H2BC18: variants seen among roughly 807,000 people sequenced by gnomAD.
The protein encoded by H2BC18 is histone H2B type 2-F.
In H2BC18, 8 loss-of-function variants were observed where a neutral mutation model predicts 6.3. The observed-to-expected ratio is 1.28, with a 90% CI of 0.75 to 2.31. The LOEUF (loss-of-function observed/expected upper bound fraction) is 2.31, where lower values mean the gene tolerates loss of function less well. Ranked by LOEUF, H2BC18 falls within the 30% of genes most tolerant of loss-of-function variation. The probability of loss-of-function intolerance (pLI) is 0.00; values close to 1 mark genes in which losing one functional copy is unlikely to be tolerated. For synonymous variants in H2BC18, 104 were observed against 78.1 expected, an observed-to-expected ratio of 1.33 and a Z score of -1.75; for missense variants, 106 against 174.5, an observed-to-expected ratio of 0.61 and a Z score of 2.21.
chr1:149,806,888 G>A (rs1318635752), downstream of H2BC18, among the ~76,000 whole-genome samples: 1 of 152,084 alleles, frequency 6.6e-6, no homozygotes, highest in Non-Finnish European at 1.5e-5. Flanking sequence ...TAAGAGAGAG[G>A]GTCAGAGAAG....
chr1:149,807,753 G>A (rs1318653219), downstream of H2BC18, among the ~76,000 whole-genome samples: 9 of 152,028 alleles, frequency 5.9e-5, no homozygotes, highest in East Asian at 1.9e-4. Flanking sequence ...GCAGTGAGCC[G>A]AGATTGTGCC....
chr1:149,784,176 A>G, intron 1 of H2BC18: 2 of 1,611,622 alleles, frequency 1.2e-6, no homozygotes, highest in Admixed American at 1.7e-5. Flanking sequence ...CACCTCTGCC[A>G]GTGTCAATGA....
intron 1 of H2BC18, chr1:149,784,008 A>G: frequency 6.2e-7 from 1 of 1,605,646 alleles, no homozygotes; most frequent in Non-Finnish European, 8.5e-7. Flanking sequence ...AGTAGACACC[A>G]CAAAGGCAGT....
chr1:149,812,339 G>C lies in H2BC18; in HGVS notation c.-16C>G, dbSNP rs2101510104. ...GATCCGGCATTTTTGCGCGAAAAAA[G>C]AGAAAAGAGACTTAAAGAAGTAATC... On this transcript the variant is annotated 5_prime_UTR_variant, in exon 1 of 1. Coordinates refer to ENST00000369167, the MANE Select transcript of H2BC18 (RefSeq NM_001024599.5). 1.9e-6 allele frequency: 3 copies of C among 1,614,062 alleles called. No individual in the cohort carries two copies. Among genetic ancestry groups the C allele is most frequent in the Non-Finnish European group, 2.5e-6 (3 of 1,179,994 alleles).
intron 1 of H2BC18, chr1:149,791,158 C>T: frequency 1.9e-6 from 3 of 1,604,076 alleles, no homozygotes; most frequent in Admixed American, 3.4e-5. Flanking sequence ...CTCAGCCAAC[C>T]TTCCCTTCCA....
chr1:149,792,467 T>C (rs2091733029), intron 1 of H2BC18: 4 of 1,048,174 alleles, frequency 3.8e-6, no homozygotes, highest in Middle Eastern at 4.5e-4. Context: ...CTGAACTATG[T>C]AAATGACTCT....
chr1:149,812,256 T>G lies in H2BC18; in HGVS notation c.68A>C (p.Gln23Pro). ...KGSKKAVTKVQKKDGKKRKRS... is the reference protein window; with the variant it reads ...KGSKKAVTKVPKKDGKKRKRS... ...CTTGCGCTTCTTGCCGTCCTTCTTC[T>G]GCACTTTCGTAACAGCCTTTTTGGA... Residue 23 changes from glutamine to proline, a missense_variant, in exon 1 of 1, where the codon CAG (glutamine) becomes CCG (proline). Transcript: ENST00000369167. 1 of 1,614,266 alleles carries G rather than the reference T, an allele frequency of 6.2e-7. No individual in the cohort carries two copies. Among genetic ancestry groups the G allele is most frequent in the Non-Finnish European group, 8.5e-7 (1 of 1,180,040 alleles).
chr1:149,811,635 C>G (rs1553754455), downstream of H2BC18: 15 of 460,472 alleles, frequency 3.3e-5, no homozygotes, highest in Non-Finnish European at 1.2e-5. Flanking sequence ...GAACCACCCC[C>G]CGCCTCCTTC....
chr1:149,809,756 G>A (rs2091954816), downstream of H2BC18, among the ~76,000 whole-genome samples: 1 of 148,778 alleles, frequency 6.7e-6, no homozygotes, highest in Non-Finnish European at 1.5e-5. Flanking sequence ...AGACTTCCCT[G>A]TGAACTACAA....
chr1:149,785,275 A>G (rs1288109200), intron 1 of H2BC18, among the ~76,000 whole-genome samples: 2 of 152,140 alleles, frequency 1.3e-5, no homozygotes, highest in East Asian at 3.9e-4. Context: ...GGTTGCTGTT[A>G]GAGGAAATGT....
intron 1 of H2BC18, among the ~76,000 whole-genome samples, chr1:149,802,478 C>T (rs2091881957): frequency 6.6e-6 from 1 of 151,898 alleles, no homozygotes; most frequent in Non-Finnish European, 1.5e-5. Flanking sequence ...AGACTTAACC[C>T]TTTGTATTAG....
intron 1 of H2BC18, among the ~76,000 whole-genome samples, chr1:149,806,514 G>A (rs1376623787): frequency 6.6e-6 from 1 of 152,088 alleles, no homozygotes; most frequent in East Asian, 1.9e-4. Context: ...CTTGAACCCA[G>A]GAGGTGGAGG....
downstream of H2BC18, chr1:149,811,302 G>A (rs587708486): frequency 1.3e-5 from 2 of 158,818 alleles, no homozygotes; most frequent in South Asian, 1.7e-4. Flanking sequence ...AACATCTACA[G>A]ATATTGCCAA....
At chr1:149,809,313 A>T (rs2091950715), downstream of H2BC18, among the ~76,000 whole-genome samples, 1 of 138,882 alleles carries the variant, frequency 7.2e-6, no homozygotes, top group East Asian at 2.1e-4. Context: ...ACATAGATAC[A>T]TCGGCTCAAG....
At chr1:149,808,288 A>AATGG (rs1465840524), downstream of H2BC18, among the ~76,000 whole-genome samples, 1 of 152,224 alleles carries the variant, frequency 6.6e-6, no homozygotes, top group African/African-American at 2.4e-5. Flanking sequence ...GGACTTGAGG[A>AATGG]ATGGATACCT....
At chr1:149,789,828 A>G (rs1189264081) in intron 1 of H2BC18, among the ~76,000 whole-genome samples, 2 of 152,088 alleles carry the variant, frequency 1.3e-5, no homozygotes, top group Non-Finnish European at 2.9e-5. Flanking sequence ...AAGGTTGGGG[A>G]CCACTGGTAT....
intron 1 of H2BC18, among the ~76,000 whole-genome samples, chr1:149,804,792 AG>A (rs1271504996): frequency 6.6e-6 from 1 of 152,048 alleles, no homozygotes; most frequent in African/African-American, 2.4e-5. Context: ...TATCACAACA[AG>A]TAAAGAAAGT....
At chr1:149,793,634 A>C (rs1238173829) in intron 1 of H2BC18, among the ~76,000 whole-genome samples, 2 of 151,728 alleles carry the variant, frequency 1.3e-5, no homozygotes, top group Non-Finnish European at 2.9e-5. Flanking sequence ...CCCATCCTTC[A>C]ATCCGAGAGC....
chr1:149,798,389 G>A (rs1452907624), intron 1 of H2BC18, among the ~76,000 whole-genome samples: 6 of 151,562 alleles, frequency 4.0e-5, no homozygotes, highest in South Asian at 4.2e-4. Context: ...CTTATTAACC[G>A]TGTTCTTCAA....
Sources: gnomAD v4.1 joint callset for allele counts (sites outside exome capture counted in the v4.1 genomes callset) on GRCh38, gnomAD v4.1.1 for gene constraint, MANE v1.5 for transcripts, NCBI Gene and HGNC (gene_info 2026-07-23, HGNC 2026-07-21) for gene names.